Variants in CADPS2 observed in about 807,000 individuals in gnomAD.
CADPS2 encodes the protein calcium-dependent secretion activator 2.
Under a neutral mutation model 172.5 loss-of-function variants are expected in CADPS2, and 93 were observed. The ratio of observed to expected loss-of-function variants is 0.54; its 90% CI spans 0.46 to 0.64. The LOEUF (loss-of-function observed/expected upper bound fraction) is 0.64. CADPS2 is among the 30% of genes least tolerant of loss of function. The pLI, the probability that CADPS2 is intolerant of heterozygous loss-of-function variation, is 0.00. For missense variants in CADPS2, 1,420 were observed against 1,565.9 expected (o/e 0.91, Z 1.57); for synonymous variants, 546 against 555.2 (o/e 0.98, Z 0.23).
chr7:122,608,171 G>A (rs1257964644), intron 6 of CADPS2, among the ~76,000 whole-genome samples: 1 of 149,948 alleles, frequency 6.7e-6, no homozygotes, highest in Non-Finnish European at 1.5e-5. Flanking sequence ...AGCTGTGAGT[G>A]CACCATTGCA....
chr7:122,402,040 T>A (rs2046021666), intron 20 of CADPS2, among the ~76,000 whole-genome samples: 1 of 152,156 alleles, frequency 6.6e-6, no homozygotes, highest in Non-Finnish European at 1.5e-5. Context: ...TTTTTTATTT[T>A]TTTCTCCTTA....
intron 4 of CADPS2, among the ~76,000 whole-genome samples, chr7:122,623,078 T>C (rs2134027054): frequency 6.6e-6 from 1 of 152,284 alleles, no homozygotes; most frequent in South Asian, 2.1e-4. Flanking sequence ...CACAGACAGA[T>C]TAAATATCTA....
intron 12 of CADPS2, 158 bp from the exon 13 acceptor site, chr7:122,474,675 A>G: frequency 1.6e-6 from 1 of 630,810 alleles, no homozygotes; most frequent in East Asian, 2.9e-5. Context: ...CATAAATTGC[A>G]AACTTTATGA....
At chr7:122,740,802 C>T (rs1433101914) in intron 1 of CADPS2, among the ~76,000 whole-genome samples, 2 of 151,718 alleles carry the variant, frequency 1.3e-5, no homozygotes, top group Admixed American at 1.3e-4. Flanking sequence ...ATAGAGAGTT[C>T]CTAGAAATTG....
At chr7:122,638,895 G>A (rs1307849091) in intron 3 of CADPS2, among the ~76,000 whole-genome samples, 1 of 152,192 alleles carries the variant, frequency 6.6e-6, no homozygotes, top group African/African-American at 2.4e-5. Context: ...CACTTAGAGA[G>A]TCCATGTTTA....
intron 2 of CADPS2, among the ~76,000 whole-genome samples, chr7:122,720,767 T>C (rs536378331): frequency 1.0e-3 from 157 of 152,120 alleles, no homozygotes; most frequent in African/African-American, 3.7e-3. Context: ...TGAATGTTCA[T>C]AAGATTACTG....
At chr7:122,811,224 C>T (rs995013865) in intron 1 of CADPS2, among the ~76,000 whole-genome samples, 4 of 152,190 alleles carry the variant, frequency 2.6e-5, no homozygotes, top group Non-Finnish European at 4.4e-5. Context: ...TAAATGATTG[C>T]TTTCCCATTC....
At chr7:122,422,735 A>C (rs2048674465) in intron 17 of CADPS2, among the ~76,000 whole-genome samples, 1 of 151,328 alleles carries the variant, frequency 6.6e-6, no homozygotes, top group Non-Finnish European at 1.5e-5. Context: ...TGGGTGGATC[A>C]CTTGATATTA....
In CADPS2 at chr7:122,746,574, G is replaced by A. The variant is rs1429225419; in HGVS notation, c.340-9506C>T. Among the ~76,000 whole-genome samples, 79 of 151,742 alleles carry A rather than the reference G, an allele frequency of 5.2e-4. 1 individual carries two copies. The highest frequency in any genetic ancestry group is 5.2e-3 in the Admixed American group (79 of 15,184). On this transcript the variant is annotated intron_variant, in intron 1 of 29. Coordinates refer to ENST00000449022, the MANE Select transcript of CADPS2 (RefSeq NM_017954.11). Reference sequence around the variant, plus strand: ...ATATTGGAAGAAGCAGATTGTCTTGGGCCACATGTAAAACACACTAACACT... The same window carrying A: ...ATATTGGAAGAAGCAGATTGTCTTGAGCCACATGTAAAACACACTAACACT...
intron 27 of CADPS2, among the ~76,000 whole-genome samples, chr7:122,347,564 G>A (rs933003060): frequency 6.6e-6 from 1 of 152,080 alleles, no homozygotes; most frequent in Non-Finnish European, 1.5e-5. Flanking sequence ...CTATATAAAT[G>A]TCTTTACTGG....
chr7:122,406,766 T>C (rs771845499), intron 20 of CADPS2, among the ~76,000 whole-genome samples: 44 of 152,178 alleles, frequency 2.9e-4, no homozygotes, highest in Non-Finnish European at 7.3e-5. Flanking sequence ...GAGTTCATCT[T>C]GGTGCATCAT....
intron 2 of CADPS2, among the ~76,000 whole-genome samples, chr7:122,694,865 A>C (rs1466289177): frequency 6.6e-6 from 1 of 152,218 alleles, no homozygotes; most frequent in Non-Finnish European, 1.5e-5. Flanking sequence ...TGGCATGAGA[A>C]AGACTCCTTC....
At chr7:122,622,310 G>GT (rs914513206) in intron 4 of CADPS2, among the ~76,000 whole-genome samples, 34 of 152,208 alleles carry the variant, frequency 2.2e-4, no homozygotes, top group Non-Finnish European at 3.8e-4. Context: ...TATAAATTCA[G>GT]TTTTTTACTA....
chr7:122,441,258 G>T (rs2051311843), intron 16 of CADPS2, among the ~76,000 whole-genome samples: 1 of 152,058 alleles, frequency 6.6e-6, no homozygotes, highest in Admixed American at 6.6e-5. Flanking sequence ...TAAAGAGGTA[G>T]GAAAAATGAT....
chr7:122,833,373 T>C (rs902648062), intron 1 of CADPS2, among the ~76,000 whole-genome samples: 8 of 152,126 alleles, frequency 5.3e-5, no homozygotes, highest in African/African-American at 1.4e-4. Flanking sequence ...ATTTTTGAGA[T>C]GGAGTCTCGC....
intron 1 of CADPS2, chr7:122,849,754 G>A (rs1584910690): frequency 2.3e-6 from 1 of 429,500 alleles, no homozygotes; most frequent in East Asian, 7.1e-5. Context: ...CTCCAACAAT[G>A]GCCAGTAAAA....
intron 8 of CADPS2, among the ~76,000 whole-genome samples, chr7:122,538,060 A>G (rs890972456): frequency 6.6e-6 from 1 of 151,700 alleles, no homozygotes; most frequent in African/African-American, 2.4e-5. Flanking sequence ...CCTTACCTCC[A>G]ACCGAAGTTT....
chr7:122,876,603 T>C (rs1371449884), intron 1 of CADPS2, among the ~76,000 whole-genome samples: 1 of 152,110 alleles, frequency 6.6e-6, no homozygotes, highest in Admixed American at 6.6e-5. Context: ...GCTTAAGTGA[T>C]CCTTCTACCC....
At chr7:122,831,126 A>T (rs2140589302) in intron 1 of CADPS2, among the ~76,000 whole-genome samples, 1 of 152,308 alleles carries the variant, frequency 6.6e-6, no homozygotes, top group Non-Finnish European at 1.5e-5. Context: ...ATGACCTACA[A>T]GAAAGTCAGC....
Sources: allele counts gnomAD v4.1 joint callset (sites outside exome capture counted in the v4.1 genomes callset), GRCh38; gene constraint gnomAD v4.1.1; transcripts MANE v1.5; gene names NCBI Gene and HGNC (gene_info 2026-07-23, HGNC 2026-07-21).